Variants in CENPE observed in about 807,000 individuals in gnomAD.
CENPE encodes the protein centromere-associated protein E.
Under a neutral mutation model 336.1 loss-of-function variants are expected in CENPE, and 145 were observed. That is an observed-to-expected ratio of 0.43 (90% CI 0.38 to 0.50). CENPE has a LOEUF of 0.50. Ranked by LOEUF, CENPE falls within the 20% of genes least tolerant of loss-of-function variation. The pLI, the probability that CENPE is intolerant of heterozygous loss-of-function variation, is 0.00. For missense variants in CENPE, 2,719 were observed against 3,023.3 expected, an observed-to-expected ratio of 0.90 and a Z score of 2.36; for synonymous variants, 1,013 against 984.8, an observed-to-expected ratio of 1.03 and a Z score of -0.54.
At chr4:103,132,263 T>TA (rs200407030) in intron 42 of CENPE, among the ~76,000 whole-genome samples, 345 of 149,146 alleles carry the variant, frequency 2.3e-3, no homozygotes, top group African/African-American at 7.5e-3. Flanking sequence ...AAACTGCTCT[T>TA]AAAAAAAAAA....
At chr4:103,196,584 C>T (rs1294827890) in intron 2 of CENPE, among the ~76,000 whole-genome samples, 175 bp downstream of exon 2, 12 of 152,100 alleles carry the variant, frequency 7.9e-5, no homozygotes, top group African/African-American at 4.8e-5. Flanking sequence ...GTTTTAAATG[C>T]CAATTGGTTA....
chr4:103,121,138 C>T (rs1002857626), intron 43 of CENPE, among the ~76,000 whole-genome samples: 6 of 152,166 alleles, frequency 3.9e-5, no homozygotes, highest in Non-Finnish European at 8.8e-5. Flanking sequence ...GACCCTGAAG[C>T]GATGACTACT....
chr4:103,169,132 A>G (rs1438107448), intron 16 of CENPE, among the ~76,000 whole-genome samples: 1 of 152,220 alleles, frequency 6.6e-6, no homozygotes, highest in Admixed American at 6.5e-5. Flanking sequence ...ATCCTAGAGC[A>G]AGAAAATACA....
rs1491000630 is a variant in CENPE, at chr4:103,144,431, C to T, written c.5045G>A (p.Arg1682Lys). 2 of 1,613,960 alleles carry T rather than the reference C, an allele frequency of 1.2e-6. No homozygotes were observed. Among genetic ancestry groups the T allele is most frequent in the Admixed American group, 3.3e-5 (2 of 60,018 alleles). ...GTCATCTCTTTCTTTTGTTACAGAT[C>T]TCATTTCTTCAAGGTTTTCATGTAG... The part of the protein sequence containing the change: ...QILHENLEEM[R>K]SVTKERDDLR... The change falls in exon 33 of 49, where the codon AGA becomes AAA. Residue 1682 changes from arginine (R) to lysine (K), a missense_variant. This residue lies in a region of CENPE where 2,437 missense variants were observed against 2,513.3 expected (regional missense o/e 0.97). Transcript: ENST00000265148.
chr4:103,118,723 G>C (rs1300628043), intron 44 of CENPE, among the ~76,000 whole-genome samples: 2 of 152,088 alleles, frequency 1.3e-5, no homozygotes, highest in African/African-American at 2.4e-5. Flanking sequence ...TAAGTTCTTT[G>C]TCTTTTTTTG....
intron 11 of CENPE, 156 bp from the exon 12 acceptor site, chr4:103,181,612 A>C (rs1351905135): frequency 2.0e-6 from 1 of 509,616 alleles, no homozygotes; most frequent in African/African-American, 2.0e-5. Flanking sequence ...CTATGTCCTT[A>C]TAACAATGCT....
chr4:103,171,361 T>G (rs949155165), intron 16 of CENPE, among the ~76,000 whole-genome samples: 3 of 151,998 alleles, frequency 2.0e-5, no homozygotes, highest in Non-Finnish European at 2.9e-5. Context: ...AAATTAATAA[T>G]AGCAGAAATT....
intron 16 of CENPE, among the ~76,000 whole-genome samples, chr4:103,171,447 T>C (rs1384825569): frequency 6.6e-6 from 1 of 151,876 alleles, no homozygotes; most frequent in Non-Finnish European, 1.5e-5. Context: ...AAAGAGTAAT[T>C]TTAAAAAGCT....
chr4:103,198,322 T>C lies in CENPE; in HGVS notation c.-3A>G, dbSNP rs1373331050. On this transcript the variant is annotated 5_prime_UTR_variant, in exon 1 of 49. The change creates a new upstream start codon in the 5' untranslated region. Transcript: ENST00000265148. Reference sequence around the variant, plus strand: ...GCCACGGCTCCTTCCTCCGCCATCCTATCAGGCTGAACTGGTCCCAGGAAA... The same window carrying C: ...GCCACGGCTCCTTCCTCCGCCATCCCATCAGGCTGAACTGGTCCCAGGAAA... 2 of 1,551,238 alleles carry C rather than the reference T, an allele frequency of 1.3e-6. No homozygotes were observed. Among genetic ancestry groups the C allele is most frequent in the Non-Finnish European group, 1.7e-6 (2 of 1,146,888 alleles).
intron 8 of CENPE, among the ~76,000 whole-genome samples, chr4:103,188,127 G>A (rs1756965143): frequency 6.6e-6 from 1 of 152,040 alleles, no homozygotes; most frequent in Non-Finnish European, 1.5e-5. Context: ...CAATACAGGA[G>A]CACCCAGATT....
chr4:103,167,521 C>A (rs1197638314), intron 16 of CENPE, among the ~76,000 whole-genome samples: 1 of 151,948 alleles, frequency 6.6e-6, no homozygotes, highest in Non-Finnish European at 1.5e-5. Flanking sequence ...AAAAAAAAAT[C>A]TTTAAGACAA....
chr4:103,160,414 T>C (rs1034530145), intron 21 of CENPE, among the ~76,000 whole-genome samples: 1 of 151,958 alleles, frequency 6.6e-6, no homozygotes, highest in African/African-American at 2.4e-5. Flanking sequence ...TTCTGTTAAA[T>C]ACACCTTGAA....
chr4:103,137,694 T>A (rs1296432888), intron 39 of CENPE, among the ~76,000 whole-genome samples: 1 of 152,190 alleles, frequency 6.6e-6, no homozygotes, highest in African/African-American at 2.4e-5. Flanking sequence ...CTTCAATGTA[T>A]ATTCAGAATC....
At chr4:103,150,568 G>C (rs1753457492) in intron 26 of CENPE, among the ~76,000 whole-genome samples, 1 of 151,770 alleles carries the variant, frequency 6.6e-6, no homozygotes, top group Non-Finnish European at 1.5e-5. Context: ...CTGGGTGACA[G>C]AGTGAGACCC....
At chr4:103,108,049 C>A (rs1299669587) in intron 48 of CENPE, among the ~76,000 whole-genome samples, 2 of 152,160 alleles carry the variant, frequency 1.3e-5, no homozygotes, top group Non-Finnish European at 2.9e-5. Flanking sequence ...ATATTTCTTT[C>A]AACTCTTCCC....
chr4:103,156,313 T>C (rs1289223680), intron 24 of CENPE, among the ~76,000 whole-genome samples: 2 of 152,154 alleles, frequency 1.3e-5, no homozygotes, highest in Non-Finnish European at 2.9e-5. Context: ...TTGGAGGTCT[T>C]GTACTTCCTG....
At chr4:103,155,874 G>A (rs1473423818) in intron 24 of CENPE, among the ~76,000 whole-genome samples, 1 of 152,134 alleles carries the variant, frequency 6.6e-6, no homozygotes, top group Non-Finnish European at 1.5e-5. Context: ...TTTGAAATGT[G>A]TATTTGCTTT....
rs528894990 is a variant in CENPE, at chr4:103,160,621, T to C, written c.2286+4A>G. 1 of 1,602,174 alleles carries C rather than the reference T, an allele frequency of 6.2e-7. No individual in the cohort carries two copies. The highest frequency in any genetic ancestry group is 1.1e-5 in the South Asian group (1 of 88,692). On this transcript the variant is annotated splice_donor_region_variant and intron_variant, in intron 21 of 48. Coordinates refer to ENST00000265148, the MANE Select transcript of CENPE (RefSeq NM_001813.3). ...AAGGGATAAGTGCTTATAAATGTGT[T>C]TACCTCTTTCCTCAGCCTTTCTACT...
At chr4:103,118,486 C>T (rs2125858706) in intron 44 of CENPE, among the ~76,000 whole-genome samples, 1 of 152,260 alleles carries the variant, frequency 6.6e-6, no homozygotes, top group East Asian at 1.9e-4. Flanking sequence ...TGTGGCTTCT[C>T]TTGATTCTCC....
Sources: allele counts gnomAD v4.1 joint callset (sites outside exome capture counted in the v4.1 genomes callset), GRCh38; gene constraint gnomAD v4.1.1; regional missense constraint gnomAD v4.1.1; transcripts MANE v1.5; gene names NCBI Gene and HGNC (gene_info 2026-07-23, HGNC 2026-07-21).